The following MTA3 variants were observed in gnomAD, a reference collection of about 807,000 sequenced individuals.
MTA3 encodes metastasis associated 1 family member 3.
Under a neutral mutation model 83.5 loss-of-function variants are expected in MTA3, and 34 were observed. That is an observed-to-expected ratio of 0.41 (90% CI 0.31 to 0.54). MTA3 has a LOEUF of 0.54. MTA3 is among the 20% of genes least tolerant of loss of function. The pLI is 0.33. For missense variants in MTA3, 761 were observed against 726.4 expected (o/e 1.05, Z -0.55); for synonymous variants, 303 against 252.7 (o/e 1.20, Z -1.89).
intron 4 of MTA3, among the ~76,000 whole-genome samples, chr2:42,632,108 T>G (rs1056870151): frequency 6.7e-6 from 1 of 149,252 alleles, no homozygotes; most frequent in Non-Finnish European, 1.5e-5. Context: ...TTTTTTTTTT[T>G]GAGATGGAGT....
chr2:42,602,374 G>T (rs1022706196), intron 3 of MTA3, among the ~76,000 whole-genome samples: 2 of 152,142 alleles, frequency 1.3e-5, no homozygotes, highest in African/African-American at 2.4e-5. Flanking sequence ...AGGTCTTTTG[G>T]TGTACTTATG....
At chr2:42,502,461 A>G (rs557049867) in intron 2 of MTA3, among the ~76,000 whole-genome samples, 2 of 152,300 alleles carry the variant, frequency 1.3e-5, no homozygotes, top group Admixed American at 6.5e-5. Context: ...GGGAAATAAC[A>G]TGCCATGATT....
chr2:42,611,972 G>C (rs1362006024), intron 4 of MTA3, among the ~76,000 whole-genome samples: 1 of 152,070 alleles, frequency 6.6e-6, no homozygotes, highest in African/African-American at 2.4e-5. Flanking sequence ...CTGCTATTTA[G>C]GATTTTTATT....
chr2:42,691,904 A>G (rs1692935565), intron 9 of MTA3, among the ~76,000 whole-genome samples: 1 of 152,182 alleles, frequency 6.6e-6, no homozygotes, highest in East Asian at 1.9e-4. Flanking sequence ...GAACTCCATT[A>G]TAAGTTATTT....
intron 3 of MTA3, among the ~76,000 whole-genome samples, chr2:42,603,275 A>G (rs1682811608): frequency 6.6e-6 from 1 of 152,114 alleles, no homozygotes; most frequent in Non-Finnish European, 1.5e-5. Context: ...AACGGGAGAA[A>G]TAGAAATTGT....
At chr2:42,602,451 C>A (rs1295685040) in intron 3 of MTA3, among the ~76,000 whole-genome samples, 1 of 152,200 alleles carries the variant, frequency 6.6e-6, no homozygotes, top group African/African-American at 2.4e-5. Context: ...AGAAACTTGT[C>A]ACAGAAATTT....
chr2:42,691,493 TA>T (rs1337966792), intron 9 of MTA3, among the ~76,000 whole-genome samples: 2 of 152,212 alleles, frequency 1.3e-5, no homozygotes, highest in Admixed American at 1.3e-4. Flanking sequence ...AAGTTGTAGT[TA>T]TTTTTTTTTA....
At chr2:42,625,471 G>A (rs898714691) in intron 4 of MTA3, among the ~76,000 whole-genome samples, 5 of 151,204 alleles carry the variant, frequency 3.3e-5, no homozygotes, top group Admixed American at 2.0e-4. Context: ...TATGGGCCGG[G>A]CACAGTGGCT....
At chr2:42,524,300 TA>T (rs1295082186) in intron 2 of MTA3, among the ~76,000 whole-genome samples, 1 of 151,404 alleles carries the variant, frequency 6.6e-6, no homozygotes, top group Non-Finnish European at 1.5e-5. Context: ...CAACCATTAT[TA>T]TTATTTTTTT....
At chr2:42,549,178 T>A (rs1214669261) in intron 2 of MTA3, among the ~76,000 whole-genome samples, 5 of 137,600 alleles carry the variant, frequency 3.6e-5, no homozygotes, top group African/African-American at 8.0e-5. Flanking sequence ...CATCTTAAAA[T>A]ATATATATAA....
intron 2 of MTA3, among the ~76,000 whole-genome samples, chr2:42,531,445 CTTTT>C (rs10659582): frequency 2.7e-5 from 2 of 75,344 alleles, no homozygotes; most frequent in Non-Finnish European, 4.6e-5. Flanking sequence ...GAAGCAAACT[CTTTT>C]TTTTTTTTTT....
At chr2:42,702,382 T>G (rs1273581126) in intron 11 of MTA3, 5 of 152,200 alleles carry the variant, frequency 3.3e-5, no homozygotes, top group African/African-American at 1.2e-4. Context: ...TGTCACCTGA[T>G]AGTTGTAATA....
intron 2 of MTA3, among the ~76,000 whole-genome samples, chr2:42,518,027 A>G (rs902138810): frequency 6.6e-6 from 1 of 151,994 alleles, no homozygotes; most frequent in East Asian, 1.9e-4. Context: ...CTCTACTAAA[A>G]TACAAAAAAT....
chr2:42,560,499 G>A (rs767916800), intron 2 of MTA3, among the ~76,000 whole-genome samples: 7 of 150,920 alleles, frequency 4.6e-5, no homozygotes, highest in African/African-American at 1.2e-4. Context: ...TTGCAGTGAG[G>A]TGAGATGGTG....
chr2:42,747,555 C>G (rs1396854570), intron 16 of MTA3, among the ~76,000 whole-genome samples: 2 of 151,484 alleles, frequency 1.3e-5, no homozygotes, highest in African/African-American at 2.4e-5. Context: ...CTGAGGCCTG[C>G]TCTTGAAGCT....
At chr2:42,679,326 C>G (rs1691659199) in intron 8 of MTA3, among the ~76,000 whole-genome samples, 1 of 152,158 alleles carries the variant, frequency 6.6e-6, no homozygotes, top group Non-Finnish European at 1.5e-5. Flanking sequence ...GTTCTGTGCT[C>G]AACTAAGGCG....
chr2:42,739,448 A>T (rs1229202579), intron 16 of MTA3, among the ~76,000 whole-genome samples: 1 of 151,280 alleles, frequency 6.6e-6, no homozygotes, highest in African/African-American at 2.4e-5. Context: ...TTATTGCTAA[A>T]AAAAAAAAAA....
intron 3 of MTA3, among the ~76,000 whole-genome samples, chr2:42,596,231 C>G (rs1350446645): frequency 6.6e-6 from 1 of 152,128 alleles, no homozygotes; most frequent in Non-Finnish European, 1.5e-5. Flanking sequence ...GCACATAGAC[C>G]TCAGTCAGCC....
chr2:42,748,201 T>TTGTGTGTGTGTGTG (rs61339061), intron 16 of MTA3, among the ~76,000 whole-genome samples: 116 of 137,710 alleles, frequency 8.4e-4, no homozygotes, highest in African/African-American at 2.4e-3. Context: ...GCTAATGTGT[T>TTGTGTGTGTGTGTG]TGTGTGTGTG....
Sources: gnomAD v4.1 joint callset for allele counts (sites outside exome capture counted in the v4.1 genomes callset) on GRCh38, gnomAD v4.1.1 for gene constraint, MANE v1.5 for transcripts, NCBI Gene and HGNC (gene_info 2026-07-23, HGNC 2026-07-21) for gene names.